Variants in APP observed in about 807,000 individuals in gnomAD.
APP encodes the protein amyloid beta precursor protein, also known as amyloid-beta precursor protein.
Under a neutral mutation model 101.4 loss-of-function variants are expected in APP, and 31 were observed. The observed-to-expected ratio is 0.31, with a 90% CI of 0.23 to 0.41. APP has a LOEUF of 0.41. Among genes scored for constraint, APP ranks in the 10% least tolerant of loss-of-function variants. APP has a pLI of 1.00. For missense variants in APP, 839 were observed against 1,003.7 expected, an observed-to-expected ratio of 0.84 and a Z score of 2.22; for synonymous variants, 366 against 364.4, an observed-to-expected ratio of 1.00 and a Z score of -0.05.
intron 1 of APP, among the ~76,000 whole-genome samples, chr21:26,159,069 A>C (rs1286666985): frequency 2.0e-5 from 3 of 152,032 alleles, no homozygotes; most frequent in Non-Finnish European, 4.4e-5. Flanking sequence ...AAAATGAGAG[A>C]AACAATAAGA....
At chr21:25,971,050 G>A (rs967131932) in intron 11 of APP, among the ~76,000 whole-genome samples, 5 of 151,644 alleles carry the variant, frequency 3.3e-5, no homozygotes, top group East Asian at 1.9e-4. Context: ...TACAAACAGC[G>A]TTTCTTTTTT....
intron 11 of APP, among the ~76,000 whole-genome samples, chr21:25,972,608 C>T (rs2042073823): frequency 6.8e-6 from 1 of 147,772 alleles, no homozygotes; most frequent in South Asian, 2.2e-4. Flanking sequence ...GCAATCACAG[C>T]TCACTGCAGT....
chr21:25,887,517 G>GAAAAAAAAAAAAAAAAA (rs199637906), intron 17 of APP, among the ~76,000 whole-genome samples: 1 of 114,464 alleles, frequency 8.7e-6, no homozygotes, highest in Non-Finnish European at 1.7e-5. Flanking sequence ...CTGCTTATTT[G>GAAAAAAAAAAAAAAAAA]AAAAAAAAAA....
At chr21:26,153,279 C>A (rs2063314838) in intron 1 of APP, among the ~76,000 whole-genome samples, 1 of 152,118 alleles carries the variant, frequency 6.6e-6, no homozygotes, top group South Asian at 2.1e-4. Context: ...ACTTGTACCC[C>A]AAAAGCTACT....
intron 6 of APP, 114 bp from the exon 7 acceptor site, chr21:26,000,296 T>G (rs1037935367): frequency 5.3e-6 from 7 of 1,310,958 alleles, no homozygotes; most frequent in Non-Finnish European, 7.5e-6. Context: ...GACTGGTTTA[T>G]TAGGCAGCAT....
At chr21:25,898,002 G>A in intron 15 of APP, 1 of 366,676 alleles carries the variant, frequency 2.7e-6, no homozygotes, top group African/African-American at 2.1e-5. Flanking sequence ...GGAATATGTT[G>A]GCTTGGCTTA....
At position 25,887,122 on chromosome 21, in the gene APP, C is replaced by G. The variant is rs1017002509; in HGVS notation, c.2211+4600G>C. On this transcript the variant is annotated intron_variant, in intron 17 of 17. Coordinates refer to ENST00000346798, the MANE Select transcript of APP (RefSeq NM_000484.4). ...TCCTATAATAAAGAGAAGCTGTGCC[C>G]CCAACTTCTCCTTATTAAAGGTGAC... is the stretch of plus-strand genomic sequence containing the variant. 1.1e-4 allele frequency among the ~76,000 whole-genome samples: 16 copies of G among 152,030 alleles called. No homozygotes were observed. In the South Asian group the frequency reaches 1.5e-3, roughly 14 times the overall value.
intron 11 of APP, 117 bp downstream of exon 11, chr21:25,974,953 T>A: frequency 6.9e-7 from 1 of 1,458,520 alleles, no homozygotes; most frequent in Non-Finnish European, 9.4e-7. Context: ...AACCTCTGAA[T>A]AACAGTGCTC....
intron 1 of APP, among the ~76,000 whole-genome samples, chr21:26,166,830 C>T (rs1271685662): frequency 6.6e-6 from 1 of 151,506 alleles, no homozygotes; most frequent in Non-Finnish European, 1.5e-5. Flanking sequence ...AAATTCCCTA[C>T]TCCTGTTGAG....
chr21:26,161,635 GATTA>G (rs1355776531), intron 1 of APP, among the ~76,000 whole-genome samples: 2 of 151,980 alleles, frequency 1.3e-5, no homozygotes, highest in Non-Finnish European at 2.9e-5. Context: ...AAGTATCTAT[GATTA>G]ATTATTCTTA....
At chr21:25,946,176 T>C (rs767580802) in intron 13 of APP, among the ~76,000 whole-genome samples, 1 of 152,208 alleles carries the variant, frequency 6.6e-6, no homozygotes, top group African/African-American at 2.4e-5. Flanking sequence ...AATGGTTTCC[T>C]AGATACCATA....
intron 1 of APP, among the ~76,000 whole-genome samples, chr21:26,161,940 CAATA>C (rs1237290248): frequency 2.0e-5 from 3 of 151,740 alleles, no homozygotes; most frequent in Non-Finnish European, 4.4e-5. Flanking sequence ...ATAAAAAAAT[CAATA>C]AATACAGTTA....
At chr21:25,963,006 G>A (rs1309947351) in intron 11 of APP, among the ~76,000 whole-genome samples, 2 of 152,012 alleles carry the variant, frequency 1.3e-5, no homozygotes, top group Non-Finnish European at 2.9e-5. Context: ...GTAGAGAAGG[G>A]TTTCACTATG....
chr21:26,077,722 C>T (rs568313832), intron 3 of APP, among the ~76,000 whole-genome samples: 2 of 151,194 alleles, frequency 1.3e-5, no homozygotes, highest in East Asian at 1.9e-4. Flanking sequence ...CCTGAGATTT[C>T]CCTTCACTAT....
At position 25,905,045 on chromosome 21, in the gene APP, G is replaced by C. The variant is rs768182065; in HGVS notation, c.1942C>G (p.Arg648Gly). ...ATACCTGGTCGAGTGGTCAGTCCTCGGTCGGCAGCAGGGCGGGCATCAACA... is the reference window on the plus strand; with the variant it reads ...ATACCTGGTCGAGTGGTCAGTCCTCCGTCGGCAGCAGGGCGGGCATCAACA... ...EPVDARPAADRGLTTRPGSGL... is the reference protein window; with the variant it reads ...EPVDARPAADGGLTTRPGSGL... The change falls in exon 15 of 18, where the codon CGA becomes GGA. Residue 648 changes from arginine to glycine, a missense_variant. Physicochemically the swap from Arg to Gly is moderately radical, Grantham distance 125. Transcript: ENST00000346798. 5 of 1,613,890 alleles carry C rather than the reference G, an allele frequency of 3.1e-6. No individual in the cohort carries two copies. The South Asian group carries it at 3.3e-5, about 11-fold the overall frequency.
chr21:25,928,463 T>G (rs1479240895), intron 13 of APP, among the ~76,000 whole-genome samples: 2 of 152,154 alleles, frequency 1.3e-5, no homozygotes, highest in African/African-American at 4.8e-5. Flanking sequence ...CACACATATC[T>G]TCTTGTTTTG....
intron 1 of APP, among the ~76,000 whole-genome samples, chr21:26,147,811 A>G (rs1195356413): frequency 8.0e-6 from 1 of 124,272 alleles, no homozygotes; most frequent in Non-Finnish European, 1.9e-5. Flanking sequence ...CAGAACATCA[A>G]AAAAAAAACC....
intron 6 of APP, among the ~76,000 whole-genome samples, chr21:26,020,311 G>T (rs1462496761): frequency 6.6e-6 from 1 of 152,212 alleles, no homozygotes; most frequent in South Asian, 2.1e-4. Context: ...GAGTGAGTAT[G>T]TGTGATCTTA....
At chr21:25,913,959 A>G (rs1304126005) in intron 13 of APP, among the ~76,000 whole-genome samples, 2 of 151,722 alleles carry the variant, frequency 1.3e-5, no homozygotes, top group Non-Finnish European at 2.9e-5. Flanking sequence ...TCTCCCTCCC[A>G]CTCAAATTTG....
Sources: gnomAD v4.1 joint callset for allele counts (sites outside exome capture counted in the v4.1 genomes callset) on GRCh38, gnomAD v4.1.1 for gene constraint, MANE v1.5 for transcripts, NCBI Gene and HGNC (gene_info 2026-07-23, HGNC 2026-07-21) for gene names.